ITPR1: variants seen among roughly 807,000 people sequenced by gnomAD.
The protein encoded by ITPR1 is inositol 1,4,5-trisphosphate receptor type 1, also known as inositol 1,4,5-trisphosphate-gated calcium channel ITPR1.
A neutral mutation model predicts 318.4 loss-of-function variants in ITPR1; 96 were observed. The ratio of observed to expected loss-of-function variants is 0.30; its 90% CI spans 0.26 to 0.36. The LOEUF (loss-of-function observed/expected upper bound fraction) is 0.36. ITPR1 is among the 10% of genes least tolerant of loss of function. The pLI, the probability that ITPR1 is intolerant of heterozygous loss-of-function variation, is 1.00. For synonymous variants in ITPR1, 1,312 were observed against 1,289.9 expected (o/e 1.02, Z -0.37); for missense variants, 2,440 against 3,460.2 (o/e 0.71, Z 7.40).
chr3:4,500,651 T>A (rs1049269892), intron 2 of ITPR1, among the ~76,000 whole-genome samples: 23 of 152,332 alleles, frequency 1.5e-4, no homozygotes, highest in African/African-American at 5.5e-4. Context: ...GACCTATCCT[T>A]GCCTTTTTGC....
chr3:4,807,292 T>G (rs2048640716), intron 55 of ITPR1, among the ~76,000 whole-genome samples: 2 of 152,190 alleles, frequency 1.3e-5, no homozygotes, highest in Admixed American at 6.5e-5. Flanking sequence ...CTATTGCGTT[T>G]TCTTAAAGTG....
At chr3:4,638,012 G>C (rs1320303418) in intron 5 of ITPR1, among the ~76,000 whole-genome samples, 1 of 152,178 alleles carries the variant, frequency 6.6e-6, no homozygotes, top group African/African-American at 2.4e-5. Flanking sequence ...TAAAAGGCTT[G>C]TATTGTCCCC....
At chr3:4,679,282 A>G (rs1347440023) in intron 24 of ITPR1, among the ~76,000 whole-genome samples, 1 of 152,210 alleles carries the variant, frequency 6.6e-6, no homozygotes, top group Non-Finnish European at 1.5e-5. Flanking sequence ...TAGGATACAT[A>G]CAGATAGACA....
rs1427849751 is a variant in ITPR1, at chr3:4,775,274, C to G, written c.6012C>G (p.Asn2004Lys). Residue 2004 changes from asparagine to lysine, a missense_variant, in exon 47 of 62, where the codon AAC becomes AAG. Around this residue, in one of 23 missense-constraint regions of ITPR1, gnomAD observed 76 missense variants for 162.1 expected, o/e 0.47. Coordinates refer to ENST00000649015, the MANE Select transcript of ITPR1 (RefSeq NM_001378452.1). ...NFLRCQNNKT[N>K]YNLVCETLQF... ...TCCGTTGCCAAAATAACAAGACCAA[C>G]TACAATTTGGTATGTGAGACCCTGC... is the stretch of plus-strand genomic sequence containing the variant. The G allele has an allele frequency of 6.2e-7, 1 of 1,614,096 alleles. No homozygotes were observed. Among genetic ancestry groups the G allele is most frequent in the Admixed American group, 1.7e-5 (1 of 60,024 alleles).
At chr3:4,652,590 G>A (rs1474679897) in intron 11 of ITPR1, among the ~76,000 whole-genome samples, 7 of 152,224 alleles carry the variant, frequency 4.6e-5, no homozygotes, top group East Asian at 1.9e-4. Context: ...ATGTGGAACC[G>A]GAAGCACTAA....
chr3:4,763,479 C>T (rs187151529), intron 44 of ITPR1, among the ~76,000 whole-genome samples: 1 of 152,262 alleles, frequency 6.6e-6, no homozygotes, highest in African/African-American at 2.4e-5. Context: ...CTGAGCACAC[C>T]TCTCATTTCA....
rs577377518 is a variant in ITPR1 at position 4,781,785 on chromosome 3, C to T, written c.6388-834C>T. ...AACACTGGAGTCCAGGAGTTCAAGA[C>T]CAGCCTGGGCAACATAGTGAGACCT... On this transcript the variant is annotated intron_variant, in intron 49 of 61. Coordinates refer to ENST00000649015, the MANE Select transcript of ITPR1 (RefSeq NM_001378452.1). Among the ~76,000 whole-genome samples the T allele has an allele frequency of 7.2e-5, 11 of 152,284 alleles. No individual in the cohort carries two copies. In the South Asian group the frequency reaches 1.9e-3, roughly 26 times the overall value.
chr3:4,731,889 G>T (rs956556816), intron 42 of ITPR1, among the ~76,000 whole-genome samples: 2 of 152,152 alleles, frequency 1.3e-5, no homozygotes, highest in Non-Finnish European at 2.9e-5. Flanking sequence ...CTGACTCATG[G>T]TTCAGTTGCA....
At chr3:4,749,706 T>C (rs976447831) in intron 44 of ITPR1, 1 of 152,448 alleles carries the variant, frequency 6.6e-6, no homozygotes, top group African/African-American at 2.4e-5. Flanking sequence ...TCTTGAAGAA[T>C]GCTTGCTAGG....
chr3:4,683,790 A>G lies in ITPR1; in HGVS notation c.3490A>G (p.Lys1164Glu), dbSNP rs2094341875. 8 of 1,613,410 alleles carry G rather than the reference A, an allele frequency of 5.0e-6. No individual in the cohort carries two copies. Among genetic ancestry groups the G allele is most frequent in the Non-Finnish European group, 6.8e-6 (8 of 1,179,452 alleles). Reference sequence around the variant, plus strand: ...TGCATCTGGAGAAAATGAACATAAGAAAACGGAGGTGAGTGAAACACAAGT... The same window carrying G: ...TGCATCTGGAGAAAATGAACATAAGGAAACGGAGGTGAGTGAAACACAAGT... The part of the protein sequence containing the change: ...DGASGENEHK[K>E]TEEGNNKPQK... Residue 1164 changes from lysine (K) to glutamate (E), a missense_variant, in exon 28 of 62, where the codon AAA becomes GAA. By Grantham distance (56) the Lys-to-Glu change is moderately conservative. Transcript: ENST00000649015.
At chr3:4,740,257 G>A (rs1236142849) in intron 44 of ITPR1, among the ~76,000 whole-genome samples, 2 of 152,202 alleles carry the variant, frequency 1.3e-5, no homozygotes, top group Non-Finnish European at 2.9e-5. Context: ...TGCTACAGCT[G>A]CAGGAAAGGG....
At chr3:4,760,814 C>A (rs1213552807) in intron 44 of ITPR1, among the ~76,000 whole-genome samples, 1 of 152,208 alleles carries the variant, frequency 6.6e-6, no homozygotes, top group Non-Finnish European at 1.5e-5. Flanking sequence ...TGCCTCCTGC[C>A]TCCACAGCGA....
intron 36 of ITPR1, 86 bp downstream of exon 36, chr3:4,703,036 C>A: frequency 6.9e-7 from 1 of 1,441,672 alleles, no homozygotes; most frequent in Non-Finnish European, 9.6e-7. Flanking sequence ...GCACTCATTA[C>A]AACTCTTCTA....
Position 4,768,565 on chromosome 3 carries a change from C to A in ITPR1, c.5780C>A (p.Ala1927Asp). The A allele has an allele frequency of 1.9e-6, 3 of 1,613,956 alleles. No homozygotes were observed. Among genetic ancestry groups the A allele is most frequent in the Non-Finnish European group, 2.5e-6 (3 of 1,179,842 alleles). ...TEEVRDQLLE[A>D]SAATRKAFTT... ...GAGGTCCGGGATCAGCTCCTGGAGG[C>A]CTCCGCTGCCACCAGGAAAGCCTTC... Residue 1927 changes from alanine (A) to aspartate (D), a missense_variant, in exon 46 of 62, where the codon GCC (alanine) becomes GAC (aspartate). Ala to Asp is a moderately radical substitution (Grantham distance 126). Coordinates refer to ENST00000649015, the MANE Select transcript of ITPR1 (RefSeq NM_001378452.1).
At chr3:4,829,197 A>G (rs1443122425) in intron 60 of ITPR1, among the ~76,000 whole-genome samples, 1 of 152,234 alleles carries the variant, frequency 6.6e-6, no homozygotes, top group African/African-American at 2.4e-5. Context: ...TTGGTGAGCT[A>G]GCTGACTTAT....
chr3:4,845,285 G>A (rs1253837198), intron 61 of ITPR1, among the ~76,000 whole-genome samples: 1 of 152,176 alleles, frequency 6.6e-6, no homozygotes, highest in Non-Finnish European at 1.5e-5. Context: ...TTTTATCTCA[G>A]TTGACTTGAA....
intron 44 of ITPR1, chr3:4,751,401 G>A (rs1364121381): frequency 6.6e-6 from 1 of 152,216 alleles, no homozygotes; most frequent in African/African-American, 2.4e-5. Flanking sequence ...GGCCGGCCTG[G>A]TGGTGGCCAC....
chr3:4,794,159 G>A (rs1297175034), intron 52 of ITPR1, among the ~76,000 whole-genome samples: 1 of 152,192 alleles, frequency 6.6e-6, no homozygotes, highest in Non-Finnish European at 1.5e-5. Flanking sequence ...TGCCTACCAT[G>A]TCTATTTTGG....
At chr3:4,626,166 G>A (rs1210134990) in intron 4 of ITPR1, among the ~76,000 whole-genome samples, 1 of 151,292 alleles carries the variant, frequency 6.6e-6, no homozygotes, top group Non-Finnish European at 1.5e-5. Context: ...AAAAATTGGT[G>A]GCTATACCCT....
Sources: allele counts gnomAD v4.1 joint callset (sites outside exome capture counted in the v4.1 genomes callset), GRCh38; gene constraint gnomAD v4.1.1; regional missense constraint gnomAD v4.1.1; transcripts MANE v1.5; gene names NCBI Gene and HGNC (gene_info 2026-07-23, HGNC 2026-07-21).